The following KCNIP4 variants were observed in gnomAD, a reference collection of about 807,000 sequenced individuals.
KCNIP4 encodes Kv channel-interacting protein 4.
In KCNIP4, 12 loss-of-function variants were observed where a neutral mutation model predicts 34.0. That is an observed-to-expected ratio of 0.35 (90% confidence interval 0.23 to 0.57). The LOEUF (loss-of-function observed/expected upper bound fraction) is 0.57. KCNIP4 is among the 20% of genes least tolerant of loss of function. The probability of loss-of-function intolerance (pLI) is 0.83; values close to 1 mark genes in which losing one functional copy is unlikely to be tolerated. For missense variants in KCNIP4, 238 were observed against 311.7 expected, an observed-to-expected ratio of 0.76 and a Z score of 1.78; for synonymous variants, 124 against 102.2, an observed-to-expected ratio of 1.21 and a Z score of -1.29.
chr4:21,716,713 T>C (rs942192008), intron 1 of KCNIP4, among the ~76,000 whole-genome samples: 1 of 152,176 alleles, frequency 6.6e-6, no homozygotes, highest in Admixed American at 6.5e-5. Context: ...AGACTGATTA[T>C]TAACCCATTT....
At chr4:20,881,144 G>A (rs1333442295) in intron 2 of KCNIP4, among the ~76,000 whole-genome samples, 2 of 152,076 alleles carry the variant, frequency 1.3e-5, no homozygotes, top group Non-Finnish European at 2.9e-5. Context: ...ATAAATATTT[G>A]TTGAATGAAT....
intron 1 of KCNIP4, among the ~76,000 whole-genome samples, chr4:21,912,810 T>C (rs986320397): frequency 1.3e-5 from 2 of 149,490 alleles, no homozygotes; most frequent in Non-Finnish European, 3.0e-5. Flanking sequence ...ATGTTTTATA[T>C]AATATAATAT....
chr4:21,476,629 C>T (rs74383802), intron 1 of KCNIP4, among the ~76,000 whole-genome samples: 2,273 of 152,242 alleles, frequency 0.015, 61 homozygotes, highest in African/African-American at 0.052. Flanking sequence ...TATTTCTTTA[C>T]GGCAACCCAA....
chr4:20,941,559 A>G (rs1005840635), intron 1 of KCNIP4, among the ~76,000 whole-genome samples: 3 of 150,408 alleles, frequency 2.0e-5, no homozygotes, highest in East Asian at 3.9e-4. Flanking sequence ...GATTATTTAA[A>G]CAAGGTTAAT....
intron 1 of KCNIP4, among the ~76,000 whole-genome samples, chr4:21,267,924 G>A (rs958276009): frequency 2.6e-5 from 4 of 151,598 alleles, no homozygotes; most frequent in Non-Finnish European, 5.9e-5. Context: ...AGAAGGAATG[G>A]TACCAGTTCC....
intron 3 of KCNIP4, among the ~76,000 whole-genome samples, chr4:20,811,754 A>G (rs571586285): frequency 6.6e-6 from 1 of 152,196 alleles, no homozygotes; most frequent in Admixed American, 6.5e-5. Flanking sequence ...AAAGATGAGC[A>G]CTTCCGCCAA....
intron 1 of KCNIP4, among the ~76,000 whole-genome samples, chr4:21,631,249 T>G (rs1013440371): frequency 3.9e-5 from 6 of 152,094 alleles, no homozygotes; most frequent in Admixed American, 1.3e-4. Context: ...ACTCAATGAG[T>G]ATATGTGGTT....
intron 1 of KCNIP4, among the ~76,000 whole-genome samples, chr4:21,301,814 A>T (rs1008332920): frequency 6.6e-6 from 1 of 152,184 alleles, no homozygotes; most frequent in South Asian, 2.1e-4. Context: ...TCCAGCTAGC[A>T]AAGTATTTAG....
chr4:20,807,010 T>C (rs1047397783), intron 3 of KCNIP4, among the ~76,000 whole-genome samples: 2 of 152,142 alleles, frequency 1.3e-5, no homozygotes, highest in Non-Finnish European at 2.9e-5. Context: ...AAGGTGAATA[T>C]AGATGAGAAT....
chr4:21,127,520 G>C (rs536274324), intron 1 of KCNIP4, among the ~76,000 whole-genome samples: 1 of 151,908 alleles, frequency 6.6e-6, no homozygotes, highest in Admixed American at 6.6e-5. Context: ...CTGACTCTCC[G>C]CACTCTCCCC....
rs183101178 is a variant in KCNIP4, at chr4:21,433,605, C to G, written c.61+514966G>C. On this transcript the variant is annotated intron_variant, in intron 1 of 8. Coordinates refer to ENST00000382152, the MANE Select transcript of KCNIP4 (RefSeq NM_025221.6). The stretch of plus-strand genomic sequence containing the variant: ...TACTCATTGTAGTTTGGAGTTGGTT[C>G]TCAGCATTATTGTGGCTATAGCTGA... 1.6e-3 allele frequency among the ~76,000 whole-genome samples: 241 copies of G among 152,296 alleles called. 1 individual carries two copies. Among genetic ancestry groups the G allele is most frequent in the African/African-American group, 5.7e-3 (235 of 41,554 alleles).
chr4:21,403,730 ATCAAGGTGCAACAGAT>A (rs1368256406), intron 1 of KCNIP4, among the ~76,000 whole-genome samples: 1 of 152,174 alleles, frequency 6.6e-6, no homozygotes, highest in Non-Finnish European at 1.5e-5. Flanking sequence ...GAAGTCCAAG[ATCAAGGTGCAACAGAT>A]TCAGTTTCTG....
At chr4:21,291,579 G>A (rs912151679) in intron 1 of KCNIP4, among the ~76,000 whole-genome samples, 1 of 152,056 alleles carries the variant, frequency 6.6e-6, no homozygotes, top group Non-Finnish European at 1.5e-5. Flanking sequence ...GCCAGGTGCG[G>A]TGGCTCACGC....
intron 2 of KCNIP4, among the ~76,000 whole-genome samples, chr4:20,873,107 T>G (rs892793513): frequency 6.6e-6 from 1 of 152,180 alleles, no homozygotes; most frequent in East Asian, 1.9e-4. Context: ...TGTTTCAAAT[T>G]TATCCTCTCC....
At chr4:21,432,095 T>C (rs1577350740) in intron 1 of KCNIP4, among the ~76,000 whole-genome samples, 1 of 25,016 alleles carries the variant, frequency 4.0e-5, no homozygotes, top group East Asian at 9.5e-4. Context: ...TGGAAGCATA[T>C]ATATATATAT....
intron 1 of KCNIP4, among the ~76,000 whole-genome samples, chr4:21,171,117 T>C (rs927051486): frequency 1.3e-5 from 2 of 152,146 alleles, no homozygotes; most frequent in Admixed American, 1.3e-4. Flanking sequence ...ACATAAAAAC[T>C]TTCACTTTAT....
intron 1 of KCNIP4, among the ~76,000 whole-genome samples, chr4:21,447,883 G>C (rs1728167681): frequency 6.6e-6 from 1 of 152,144 alleles, no homozygotes; most frequent in African/African-American, 2.4e-5. Context: ...AGGCAGGATG[G>C]AGTGGGATTG....
intron 1 of KCNIP4, among the ~76,000 whole-genome samples, chr4:21,352,730 T>C (rs758117072): frequency 6.6e-6 from 1 of 152,224 alleles, no homozygotes; most frequent in Non-Finnish European, 1.5e-5. Flanking sequence ...CAGAAACTTC[T>C]ACAGACTTAA....
intron 1 of KCNIP4, among the ~76,000 whole-genome samples, chr4:21,538,780 T>G (rs1347805599): frequency 6.6e-6 from 1 of 152,210 alleles, no homozygotes; most frequent in Non-Finnish European, 1.5e-5. Context: ...AATGCCGGTA[T>G]GTTCTCTATA....
Sources: allele counts gnomAD v4.1 joint callset (sites outside exome capture counted in the v4.1 genomes callset), GRCh38; gene constraint gnomAD v4.1.1; transcripts MANE v1.5; gene names NCBI Gene and HGNC (gene_info 2026-07-23, HGNC 2026-07-21).